WDR25: variants seen among roughly 807,000 people sequenced by gnomAD.
WDR25 encodes WD repeat-containing protein 25.
Under a neutral mutation model 47.7 loss-of-function variants are expected in WDR25, and 35 were observed. The observed-to-expected ratio is 0.73, with a 90% CI of 0.56 to 0.97. The LOEUF (loss-of-function observed/expected upper bound fraction) is 0.97, where lower values mean the gene tolerates loss of function less well. Ranked by LOEUF, WDR25 falls within the 50% of genes least tolerant of loss-of-function variation. The probability of loss-of-function intolerance (pLI) is 0.00; values close to 1 mark genes in which losing one functional copy is unlikely to be tolerated. For synonymous variants in WDR25, 248 were observed against 278.9 expected (o/e 0.89, Z 1.10); for missense variants, 634 against 704.7 (o/e 0.90, Z 1.14).
rs1408191018 is a variant in WDR25 at position 100,428,572 on chromosome 14, C to T, written c.823-39449C>T. Among the ~76,000 whole-genome samples the T allele has an allele frequency of 6.6e-6, 1 of 152,158 alleles. No individual in the cohort carries two copies. The highest frequency in any genetic ancestry group is 1.9e-4 in the East Asian group (1 of 5,188). On this transcript the variant is annotated intron_variant, in intron 2 of 6. Coordinates refer to ENST00000402312, the MANE Select transcript of WDR25 (RefSeq NM_001161476.3). The surrounding 1 kb of genome is among the most constrained non-coding windows in gnomAD (Gnocchi z 4.3). Reference sequence around the variant, plus strand: ...GCCCCTGTGGTGGTCCCTGTTGATGCCGACCTGCTAGCCTGCTCCATGCTG... The same window carrying T: ...GCCCCTGTGGTGGTCCCTGTTGATGTCGACCTGCTAGCCTGCTCCATGCTG...
intron 5 of WDR25, among the ~76,000 whole-genome samples, chr14:100,527,955 A>T (rs2030265591): frequency 6.6e-6 from 1 of 152,100 alleles, no homozygotes; most frequent in African/African-American, 2.4e-5. Context: ...CCTGTCAATG[A>T]AGCAGTGAGA....
In WDR25 at chr14:100,418,875, T is replaced by TCCCATTGTCTCACCTGAGACC. The variant is rs1394384483; in HGVS notation, c.822+37131_822+37151dup. The stretch of plus-strand genomic sequence containing the variant: ...TCCCTACACCCACAATTCCTGTGAC[T>TCCCATTGTCTCACCTGAGACC]CCCATTGTCTCACCTGAGACCCTGG... On this transcript the variant is annotated intron_variant, in intron 2 of 6. Coordinates refer to ENST00000402312, the MANE Select transcript of WDR25 (RefSeq NM_001161476.3). Among the ~76,000 whole-genome samples the TCCCATTGTCTCACCTGAGACC allele has an allele frequency of 4.2e-3, 634 of 152,050 alleles. 3 individuals are homozygous for TCCCATTGTCTCACCTGAGACC. Among genetic ancestry groups the TCCCATTGTCTCACCTGAGACC allele is most frequent in the African/African-American group, 0.015 (619 of 41,468 alleles).
At chr14:100,380,092 G>T (rs879578861) in intron 1 of WDR25, among the ~76,000 whole-genome samples, 67 of 149,728 alleles carry the variant, frequency 4.5e-4, no homozygotes, top group Non-Finnish European at 8.7e-4. Flanking sequence ...CTGGCACCCA[G>T]GCTGGAGTGC....
In WDR25 at chr14:100,489,827, G is replaced by A. The variant is rs933927813; in HGVS notation, c.1101+5703G>A. ...CTGCCAACTTTACTCCTCCAGAGAA[G>A]GCTGCACCTCTAAAACCCCGATTCT... On this transcript the variant is annotated intron_variant, in intron 4 of 6. Transcript: ENST00000402312. Among the ~76,000 whole-genome samples, 3 of 152,134 alleles carry A rather than the reference G, an allele frequency of 2.0e-5. No homozygotes were observed. In the East Asian group the frequency reaches 5.8e-4, roughly 29 times the overall value.
intron 2 of WDR25, among the ~76,000 whole-genome samples, chr14:100,441,214 AC>A (rs1385101896): frequency 6.6e-6 from 1 of 152,076 alleles, no homozygotes; most frequent in Non-Finnish European, 1.5e-5. Flanking sequence ...CAGTCATCAA[AC>A]GTTTGCTGAG....
At position 100,529,505 on chromosome 14, in the gene WDR25, TC is replaced by T; in HGVS notation, c.1413+300del. On this transcript the variant is annotated intron_variant, in intron 6 of 6. Coordinates refer to ENST00000402312, the MANE Select transcript of WDR25 (RefSeq NM_001161476.3). This position sits in a 1 kb window ranked among gnomAD's most constrained non-coding sequence, Gnocchi z 5.1. ...GTCATGGGTGTCATTTCTGCATCCTTCCCTTTCCTCACTGAGGCCAAGCCTT... is the reference window on the plus strand; with the variant it reads ...GTCATGGGTGTCATTTCTGCATCCTTCCTTTCCTCACTGAGGCCAAGCCTT... The T allele has an allele frequency of 3.4e-6, 2 of 590,266 alleles. No individual in the cohort carries two copies. The highest frequency in any genetic ancestry group is 4.1e-5 in the South Asian group (2 of 48,594). 36.6% of individuals were successfully genotyped at this position (590,266 alleles called of 1,614,324 possible). A position where few individuals can be genotyped will look rare whatever the true frequency, so the allele number is the denominator to read the frequency against.
rs1026296683 is a variant in WDR25, at chr14:100,446,609, C to A, written c.823-21412C>A. On this transcript the variant is annotated intron_variant, in intron 2 of 6. Coordinates refer to ENST00000402312, the MANE Select transcript of WDR25 (RefSeq NM_001161476.3). ...AAATCACAACACATGGTAAGTAACA[C>A]AATACCAATCATAATTCACTTCAAA... Among the ~76,000 whole-genome samples, 9 of 147,202 alleles carry A rather than the reference C, an allele frequency of 6.1e-5. No individual in the cohort carries two copies. The South Asian group carries it at 2.0e-3, about 32-fold the overall frequency.
Position 100,402,525 on chromosome 14 carries a change from G to A in WDR25, c.822+20779G>A, listed in dbSNP as rs78985681. ...ACAGAGTGATGCGCTGTCAGCCAGG[G>A]GCCAGGGGTCCAAATGGGGTTCTGT... On this transcript the variant is annotated intron_variant, in intron 2 of 6. Transcript: ENST00000402312. Among the ~76,000 whole-genome samples the A allele has an allele frequency of 2.9e-4, 44 of 152,262 alleles. 1 individual carries two copies. In the East Asian group the frequency reaches 7.1e-3, roughly 25 times the overall value.
Position 100,404,935 on chromosome 14 carries a change from C to A in WDR25, c.822+23189C>A, listed in dbSNP as rs1481409568. Reference sequence around the variant, plus strand: ...GGTGTGTTTGGGCCCTTCCTCTTAACCCTCCTACCTTGTGTCCCCATGCTA... The same window carrying A: ...GGTGTGTTTGGGCCCTTCCTCTTAAACCTCCTACCTTGTGTCCCCATGCTA... On this transcript the variant is annotated intron_variant, in intron 2 of 6. Coordinates refer to ENST00000402312, the MANE Select transcript of WDR25 (RefSeq NM_001161476.3). The surrounding 1 kb of genome is among the most constrained non-coding windows in gnomAD (Gnocchi z 4.6). Among the ~76,000 whole-genome samples the A allele has an allele frequency of 1.3e-5, 2 of 152,120 alleles. No individual in the cohort carries two copies. Among genetic ancestry groups the A allele is most frequent in the Non-Finnish European group, 2.9e-5 (2 of 68,030 alleles).
chr14:100,384,618 G>A (rs1003334428), intron 2 of WDR25, among the ~76,000 whole-genome samples: 5 of 152,178 alleles, frequency 3.3e-5, no homozygotes, highest in Non-Finnish European at 7.4e-5. Context: ...GGTGTGGGTG[G>A]TGGGTCTGGA....
rs767656837 is a variant in WDR25 at position 100,529,268 on chromosome 14, T to A, written c.1413+60T>A. The A allele has an allele frequency of 1.6e-4, 249 of 1,606,038 alleles. No homozygotes were observed. The highest frequency in any genetic ancestry group is 2.1e-4 in the Non-Finnish European group (242 of 1,177,120). On this transcript the variant is annotated intron_variant, in intron 6 of 6. Coordinates refer to ENST00000402312, the MANE Select transcript of WDR25 (RefSeq NM_001161476.3). This position sits in a 1 kb window ranked among gnomAD's most constrained non-coding sequence, Gnocchi z 5.1. The stretch of plus-strand genomic sequence containing the variant: ...GCCCCAGCCCCAAGCCTCCTGGCAG[T>A]CCTGGACATGGGCCCTGGGGTGCAT...
At chr14:100,518,426 TTTGA>T (rs1378612282) in intron 4 of WDR25, among the ~76,000 whole-genome samples, 1 of 152,256 alleles carries the variant, frequency 6.6e-6, no homozygotes, top group South Asian at 2.1e-4. Flanking sequence ...TTTTTAGCAG[TTTGA>T]TTGGGATATG....
In WDR25 at chr14:100,509,065, G is replaced by A. The variant is rs572854630; in HGVS notation, c.1102-16805G>A. On this transcript the variant is annotated intron_variant, in intron 4 of 6. Coordinates refer to ENST00000402312, the MANE Select transcript of WDR25 (RefSeq NM_001161476.3). ...TTTCCTATATTCTTTGTCTCATTTT[G>A]ATGTGAGATTAATATTGACCTCAGA... Among the ~76,000 whole-genome samples the A allele has an allele frequency of 2.6e-3, 400 of 152,136 alleles. 1 individual carries two copies. Among genetic ancestry groups the A allele is most frequent in the Admixed American group, 5.5e-3 (84 of 15,292 alleles).
intron 3 of WDR25, among the ~76,000 whole-genome samples, chr14:100,479,183 C>T (rs183609607): frequency 8.5e-4 from 129 of 152,140 alleles, no homozygotes; most frequent in Middle Eastern, 3.4e-3. Context: ...TTGGCTGAAG[C>T]GAGTGTCCTG....
intron 3 of WDR25, among the ~76,000 whole-genome samples, chr14:100,478,266 G>A (rs568205355): frequency 2.0e-5 from 3 of 152,286 alleles, no homozygotes; most frequent in South Asian, 2.1e-4. Flanking sequence ...CATGCACCGC[G>A]TTACATTTAG....
intron 5 of WDR25, among the ~76,000 whole-genome samples, chr14:100,526,339 C>T (rs1489494155): frequency 2.0e-5 from 3 of 152,126 alleles, no homozygotes; most frequent in Non-Finnish European, 4.4e-5. Flanking sequence ...CTGAGAAACC[C>T]CACCCTCCCA....
intron 4 of WDR25, among the ~76,000 whole-genome samples, chr14:100,505,225 C>A (rs1901072070): frequency 6.6e-6 from 1 of 152,224 alleles, no homozygotes; most frequent in South Asian, 2.1e-4. Context: ...TACATTTATT[C>A]AGGGCTATGG....
At chr14:100,479,001 G>A (rs1282598915) in intron 3 of WDR25, among the ~76,000 whole-genome samples, 1 of 151,972 alleles carries the variant, frequency 6.6e-6, no homozygotes, top group Non-Finnish European at 1.5e-5. Context: ...CAAGAAGCCG[G>A]CCACTGAATG....
chr14:100,403,011 G>A (rs976455375), intron 2 of WDR25, among the ~76,000 whole-genome samples: 3 of 151,362 alleles, frequency 2.0e-5, no homozygotes, highest in South Asian at 2.2e-4. Flanking sequence ...ACCCTGTCTC[G>A]CTGACCTCAG....
Sources: gnomAD v4.1 joint callset for allele counts (sites outside exome capture counted in the v4.1 genomes callset) on GRCh38, gnomAD v4.1.1 for gene constraint, Gnocchi (gnomAD v3.1) non-coding constraint, MANE v1.5 for transcripts, NCBI Gene and HGNC (gene_info 2026-07-23, HGNC 2026-07-21) for gene names.